COG6: variants seen among roughly 807,000 people sequenced by gnomAD.
COG6 encodes the protein conserved oligomeric Golgi complex subunit 6.
Under a neutral mutation model 88.8 loss-of-function variants are expected in COG6, and 74 were observed. The ratio of observed to expected loss-of-function variants is 0.83; its 90% CI spans 0.69 to 1.01. The LOEUF (loss-of-function observed/expected upper bound fraction) is 1.01. Ranked by LOEUF, COG6 falls within the 50% of genes least tolerant of loss-of-function variation. The probability of loss-of-function intolerance (pLI) is 0.00; values close to 1 mark genes in which losing one functional copy is unlikely to be tolerated. For synonymous variants in COG6, 286 were observed against 278.7 expected, an observed-to-expected ratio of 1.03 and a Z score of -0.26; for missense variants, 800 against 797.9, an observed-to-expected ratio of 1.00 and a Z score of -0.03.
intron 18 of COG6, among the ~76,000 whole-genome samples, chr13:39,734,321 A>C (rs1160495114): frequency 6.6e-6 from 1 of 152,008 alleles, no homozygotes; most frequent in African/African-American, 2.4e-5. Flanking sequence ...TGTTTCAATA[A>C]ATTTTTTAAT....
At chr13:39,728,784 C>T (rs1879279192) in intron 18 of COG6, among the ~76,000 whole-genome samples, 2 of 151,848 alleles carry the variant, frequency 1.3e-5, no homozygotes, top group Non-Finnish European at 2.9e-5. Flanking sequence ...CCTGCCTCAG[C>T]CTCCTGAGTA....
chr13:39,665,103 A>G lies in COG6; in HGVS notation c.377A>G (p.Lys126Arg), dbSNP rs1298057857. 1.8e-5 allele frequency: 26 copies of G among 1,469,458 alleles called. 1 individual carries two copies. The highest frequency in any genetic ancestry group is 2.4e-5 in the Non-Finnish European group (25 of 1,049,518). The allele number at this position is 1,469,458 out of a possible 1,614,324, so 91.0% of individuals were successfully genotyped here. Reference protein sequence around the residue: ...QDMTSRLQAAKEQTQDLIVKT... With the variant: ...QDMTSRLQAAREQTQDLIVKT... ...ATATGTTTATAATTTTAGGCAGCAA[A>G]GGAACAGACTCAAGATTTAATAGTA... Residue 126 changes from lysine (K) to arginine (R), a missense_variant, in exon 4 of 19, where the codon AAG (lysine) becomes AGG (arginine). Physicochemically the swap from Lys to Arg is conservative, Grantham distance 26. Coordinates refer to ENST00000455146, the MANE Select transcript of COG6 (RefSeq NM_020751.3).
chr13:39,712,744 G>A (rs1435585722), intron 13 of COG6, among the ~76,000 whole-genome samples: 1 of 152,174 alleles, frequency 6.6e-6, no homozygotes, highest in Non-Finnish European at 1.5e-5. Context: ...TCATTCACAT[G>A]AACCTACTTA....
intron 18 of COG6, among the ~76,000 whole-genome samples, chr13:39,731,050 TG>T (rs1879420151): frequency 6.6e-6 from 1 of 151,958 alleles, no homozygotes; most frequent in Non-Finnish European, 1.5e-5. Flanking sequence ...CTCGAACTCC[TG>T]ACCTCAAATT....
Position 39,784,220 on chromosome 13 carries a change from C to T in COG6, c.1827-4115C>T, listed in dbSNP as rs372290290. Reference sequence around the variant, plus strand: ...TAGAATATACCTATTTGTCAGAGTACAGCACACCTGACATCACCTGCAAAG... The same window carrying T: ...TAGAATATACCTATTTGTCAGAGTATAGCACACCTGACATCACCTGCAAAG... On this transcript the variant is annotated intron_variant, in intron 18 of 18. Coordinates refer to the COG6 transcript ENST00000416691. Among the ~76,000 whole-genome samples, 4 of 152,228 alleles carry T rather than the reference C, an allele frequency of 2.6e-5. No homozygotes were observed. The South Asian group carries it at 8.3e-4, about 32-fold the overall frequency.
rs1490099668 is a variant in COG6, at chr13:39,713,826, T to TGA, written c.1285-5408_1285-5407dup. Among the ~76,000 whole-genome samples, 6 of 152,224 alleles carry TGA rather than the reference T, an allele frequency of 3.9e-5. No homozygotes were observed. The East Asian group carries it at 1.2e-3, about 29-fold the overall frequency. ...CAAAATGAAACTAAAGTGACAAAAG[T>TGA]GAGCTATTTCTCCTCCTTAGATTTT... On this transcript the variant is annotated intron_variant, in intron 13 of 18. Coordinates refer to ENST00000455146, the MANE Select transcript of COG6 (RefSeq NM_020751.3).
chr13:39,758,481 C>T (rs1191803129), intron 18 of COG6, among the ~76,000 whole-genome samples: 1 of 152,132 alleles, frequency 6.6e-6, no homozygotes, highest in Admixed American at 6.5e-5. Flanking sequence ...CTAACCCTAA[C>T]ATGAAAAAAT....
chr13:39,763,958 C>T (rs1055912828), intron 18 of COG6, among the ~76,000 whole-genome samples: 3 of 151,752 alleles, frequency 2.0e-5, no homozygotes, highest in African/African-American at 7.2e-5. Context: ...TCTCTGTTAT[C>T]TGGAAGAATG....
chr13:39,749,051 G>C (rs551342333), intron 18 of COG6, among the ~76,000 whole-genome samples: 104 of 152,240 alleles, frequency 6.8e-4, no homozygotes, highest in Middle Eastern at 3.4e-3. Flanking sequence ...TCATGACATT[G>C]ACCTGTGTGA....
At chr13:39,724,809 A>G (rs577340161) in intron 17 of COG6, among the ~76,000 whole-genome samples, 106 of 151,948 alleles carry the variant, frequency 7.0e-4, no homozygotes, top group African/African-American at 2.4e-3. Context: ...ATTACTGTTT[A>G]CTCTATTTTT....
At chr13:39,693,649 A>G (rs1408496908) in intron 11 of COG6, among the ~76,000 whole-genome samples, 1 of 152,000 alleles carries the variant, frequency 6.6e-6, no homozygotes, top group Non-Finnish European at 1.5e-5. Context: ...ACCTATACCA[A>G]CAGATCAATT....
At chr13:39,728,191 G>A (rs892573416) in intron 18 of COG6, among the ~76,000 whole-genome samples, 1 of 152,054 alleles carries the variant, frequency 6.6e-6, no homozygotes, top group Non-Finnish European at 1.5e-5. Context: ...GGCACTAGGA[G>A]TTAAGGCTTA....
At chr13:39,777,029 C>T (rs1411476943) in intron 18 of COG6, among the ~76,000 whole-genome samples, 2 of 152,138 alleles carry the variant, frequency 1.3e-5, no homozygotes, top group Non-Finnish European at 2.9e-5. Flanking sequence ...ACAATTGGTT[C>T]CATCACCAAA....
chr13:39,782,788 G>T lies in COG6; in HGVS notation c.1827-5547G>T, dbSNP rs549593046. ...AGACCACGGTGCTCAGGGGGGAACA[G>T]CATGTCTGGAGTCTGTGGCTCACGT... On this transcript the variant is annotated intron_variant, in intron 18 of 18. Coordinates refer to the COG6 transcript ENST00000416691. Among the ~76,000 whole-genome samples, 24 of 152,320 alleles carry T rather than the reference G, an allele frequency of 1.6e-4. No individual in the cohort carries two copies. In the South Asian group the frequency reaches 4.8e-3, roughly 30 times the overall value.
chr13:39,791,077 T>C (rs1881924601), exon 19 of COG6: 1 of 152,078 alleles, frequency 6.6e-6, no homozygotes, highest in African/African-American at 2.4e-5. Flanking sequence ...GCTTTCTTGT[T>C]CCAGATTTTA....
chr13:39,686,504 A>G (rs1441826981), intron 8 of COG6, among the ~76,000 whole-genome samples: 1 of 152,198 alleles, frequency 6.6e-6, no homozygotes, highest in Non-Finnish European at 1.5e-5. Context: ...CTTTTCAATT[A>G]TAATAGGTGA....
At chr13:39,705,831 A>G (rs1593438865) in intron 13 of COG6, among the ~76,000 whole-genome samples, 1 of 152,044 alleles carries the variant, frequency 6.6e-6, no homozygotes, top group East Asian at 1.9e-4. Context: ...GACCTACTGA[A>G]TTGAATTATG....
chr13:39,712,669 A>G (rs1239010901), intron 13 of COG6, among the ~76,000 whole-genome samples: 1 of 152,202 alleles, frequency 6.6e-6, no homozygotes, highest in Non-Finnish European at 1.5e-5. Flanking sequence ...AAAAACAAGC[A>G]AAGATGTTTG....
intron 1 of COG6, among the ~76,000 whole-genome samples, chr13:39,658,981 G>C (rs544981983): frequency 6.6e-6 from 1 of 152,234 alleles, no homozygotes; most frequent in East Asian, 1.9e-4. Flanking sequence ...TATTACAACT[G>C]TTTCTATGCC....
Sources: gnomAD v4.1 joint callset for allele counts (sites outside exome capture counted in the v4.1 genomes callset) on GRCh38, gnomAD v4.1.1 for gene constraint, MANE v1.5 for transcripts, NCBI Gene and HGNC (gene_info 2026-07-23, HGNC 2026-07-21) for gene names.